Variants in PIAS2 observed in about 807,000 individuals in gnomAD.
PIAS2 encodes E3 SUMO-protein ligase PIAS2.
PIAS2 carries 19 observed loss-of-function variants against 69.7 expected under a neutral mutation model. The observed-to-expected ratio is 0.27, with a 90% confidence interval of 0.19 to 0.40. The LOEUF is 0.40. PIAS2 is among the 10% of genes least tolerant of loss of function. PIAS2 has a pLI of 1.00. For missense variants in PIAS2, 624 were observed against 757.0 expected, an observed-to-expected ratio of 0.82 and a Z score of 2.06; for synonymous variants, 261 against 263.2, an observed-to-expected ratio of 0.99 and a Z score of 0.08.
chr18:46,919,900 T>C (rs532281474), upstream of PIAS2, among the ~76,000 whole-genome samples: 20 of 152,336 alleles, frequency 1.3e-4, no homozygotes, highest in South Asian at 2.9e-3. Flanking sequence ...TAACATTGTT[T>C]AGTAGGCTTT....
At position 46,805,570 on chromosome 18, in the gene PIAS2, T is replaced by C. The variant is rs1327942115; in HGVS notation, c.*6863A>G. On this transcript the variant is annotated 3_prime_UTR_variant, in exon 14 of 14. Coordinates refer to ENST00000585916, the MANE Select transcript of PIAS2 (RefSeq NM_004671.5). The stretch of plus-strand genomic sequence containing the variant: ...GGGAAGGACAGCAACCACTGTATCT[T>C]GAGATATGTAGAATGTGAACACAGC... 1 of 152,160 alleles carries C rather than the reference T, an allele frequency of 6.6e-6. No individual in the cohort carries two copies. The highest frequency in any genetic ancestry group is 1.5e-5 in the Non-Finnish European group (1 of 68,046). The allele number at this position is 152,160 out of a possible 1,614,324, so 9.4% of individuals were successfully genotyped here.
chr18:46,908,498 C>T (rs776130776), intron 1 of PIAS2, among the ~76,000 whole-genome samples: 1 of 151,060 alleles, frequency 6.6e-6, no homozygotes, highest in South Asian at 2.1e-4. Context: ...ACACTGTATA[C>T]AAAATCAACT....
Position 46,890,776 on chromosome 18 carries a change from G to A in PIAS2, c.303C>T (p.Ile101=). The A allele has an allele frequency of 6.2e-7, 1 of 1,614,160 alleles. No individual in the cohort carries two copies. Among genetic ancestry groups the A allele is most frequent in the Non-Finnish European group, 8.5e-7 (1 of 1,180,032 alleles). The change falls in exon 2 of 14, where the codon ATC becomes ATT. Residue 101 remains isoleucine (I), a synonymous_variant. Transcript: ENST00000585916. ...PVEPDLAVAG[I]HSLPSTSVTP... is the part of the protein sequence containing the mutation. ...TAACTGAAGTGGAAGGCAACGAGTG[G>A]ATTCCAGCCACGGCCAAGTCAGGTT...
intron 5 of PIAS2, among the ~76,000 whole-genome samples, chr18:46,851,335 C>A (rs529490524): frequency 2.0e-4 from 30 of 152,136 alleles, no homozygotes; most frequent in Non-Finnish European, 4.1e-4. Context: ...TCTTGTCAAC[C>A]CTTCTTCCTT....
intron 1 of PIAS2, chr18:46,906,007 T>C (rs1393610536): frequency 6.6e-6 from 1 of 152,154 alleles, no homozygotes; most frequent in East Asian, 1.9e-4. Flanking sequence ...AGGGTTGAAT[T>C]TATACTTGCA....
chr18:46,875,231 G>A (rs1004203389), intron 2 of PIAS2, among the ~76,000 whole-genome samples: 13 of 152,154 alleles, frequency 8.5e-5, no homozygotes, highest in Non-Finnish European at 2.9e-5. Context: ...AGTCAACAAA[G>A]TATAAGCATG....
chr18:46,815,394 G>T lies in PIAS2; in HGVS notation c.1649-45C>A. The T allele has an allele frequency of 1.9e-6, 3 of 1,606,426 alleles. No homozygotes were observed. The South Asian group carries it at 3.3e-5, about 18-fold the overall frequency. The stretch of plus-strand genomic sequence containing the variant: ...TTAATAGTTGTCTCATATTTTGGGA[G>T]ACCAGAATTATTTCCCTAAATCATC... On this transcript the variant is annotated intron_variant, in intron 12 of 13. Coordinates refer to ENST00000585916, the MANE Select transcript of PIAS2 (RefSeq NM_004671.5).
At position 46,827,761 on chromosome 18, in the gene PIAS2, C is replaced by A. The variant is rs978154276; in HGVS notation, c.1508+198G>T. 19 of 486,496 alleles carry A rather than the reference C, an allele frequency of 3.9e-5. 1 individual carries two copies. The highest frequency in any genetic ancestry group is 6.2e-5 in the Non-Finnish European group (17 of 272,998). The allele number at this position is 486,496 out of a possible 1,614,324, so 30.1% of individuals were successfully genotyped here. A position where few individuals can be genotyped will look rare whatever the true frequency, so the allele number is the denominator to read the frequency against. On this transcript the variant is annotated intron_variant, in intron 11 of 13. Coordinates refer to ENST00000585916, the MANE Select transcript of PIAS2 (RefSeq NM_004671.5). ...AATAAATACCTCACACGCTCACTTT[C>A]CAAAGATGTAAATATTTTCTCCATC...
intron 1 of PIAS2, among the ~76,000 whole-genome samples, chr18:46,899,308 A>G (rs2055411171): frequency 6.6e-6 from 1 of 152,212 alleles, no homozygotes; most frequent in Admixed American, 6.5e-5. Flanking sequence ...TGAATAAGTA[A>G]CTGAAGCAGG....
At position 46,808,197 on chromosome 18, in the gene PIAS2, G is replaced by A. The variant is rs1421421324; in HGVS notation, c.*4236C>T. The A allele has an allele frequency of 6.6e-6, 1 of 152,198 alleles. No individual in the cohort carries two copies. Among genetic ancestry groups the A allele is most frequent in the Non-Finnish European group, 1.5e-5 (1 of 68,018 alleles). The allele number at this position is 152,198 out of a possible 1,614,324, so 9.4% of individuals were successfully genotyped here. On this transcript the variant is annotated 3_prime_UTR_variant, in exon 14 of 14. Coordinates refer to ENST00000585916, the MANE Select transcript of PIAS2 (RefSeq NM_004671.5). ...AGATATAAATTACACTGAGAATGAT[G>A]AAACTAAGTAAAAATATGCAGAAGT...
rs1599784607 is a variant in PIAS2, at chr18:46,855,599, C to T, written c.601G>A (p.Gly201Ser). ...ICISRDFLPG[G>S]RRDYTVQVQL... is the part of the protein sequence containing the mutation. ...ACTTGGACTGTATAATCTCTCCTAC[C>T]ACCTGGCAAAAAATCCCTGTTGGAA... is the stretch of plus-strand genomic sequence containing the variant. Residue 201 changes from glycine (G) to serine (S), a missense_variant, in exon 4 of 14, where the codon GGT becomes AGT. Physicochemically the swap from Gly to Ser is moderately conservative, Grantham distance 56. Coordinates refer to ENST00000585916, the MANE Select transcript of PIAS2 (RefSeq NM_004671.5). 1 of 1,613,398 alleles carries T rather than the reference C, an allele frequency of 6.2e-7. No homozygotes were observed. The highest frequency in any genetic ancestry group is 2.2e-5 in the East Asian group (1 of 44,826).
chr18:46,828,870 A>G (rs2043184491), intron 10 of PIAS2, among the ~76,000 whole-genome samples: 1 of 152,226 alleles, frequency 6.6e-6, no homozygotes, highest in Non-Finnish European at 1.5e-5. Flanking sequence ...TGGAAAAGCA[A>G]CAGAAACTTA....
chr18:46,804,891 A>C lies in PIAS2; in HGVS notation c.*7542T>G, dbSNP rs2040616566. On this transcript the variant is annotated 3_prime_UTR_variant, in exon 14 of 14. Transcript: ENST00000585916. ...ACTGAGACCATTTGTAAGCCAAGAAAAGCAGCAGTAGAGAGGTGAGAGACA... is the reference window on the plus strand; with the variant it reads ...ACTGAGACCATTTGTAAGCCAAGAACAGCAGCAGTAGAGAGGTGAGAGACA... 1 of 152,250 alleles carries C rather than the reference A, an allele frequency of 6.6e-6. No individual in the cohort carries two copies. The highest frequency in any genetic ancestry group is 2.4e-5 in the African/African-American group (1 of 41,460). The allele number at this position is 152,250 out of a possible 1,614,324, so 9.4% of individuals were successfully genotyped here. A position where few individuals can be genotyped will look rare whatever the true frequency, so the allele number is the denominator to read the frequency against.
chr18:46,861,077 C>G (rs2048587838), intron 3 of PIAS2, among the ~76,000 whole-genome samples: 1 of 152,088 alleles, frequency 6.6e-6, no homozygotes, highest in Non-Finnish European at 1.5e-5. Context: ...GTCAAGAGTT[C>G]AAGACCAGCC....
chr18:46,904,629 T>C (rs1190275609), intron 1 of PIAS2, among the ~76,000 whole-genome samples: 3 of 152,026 alleles, frequency 2.0e-5, no homozygotes, highest in South Asian at 2.1e-4. Context: ...CAGGCACCTG[T>C]AGTCCCAGCT....
At chr18:46,916,971 G>C in intron 1 of PIAS2, 2 of 985,888 alleles carry the variant, frequency 2.0e-6, no homozygotes, top group Non-Finnish European at 2.4e-6. Flanking sequence ...GAAGGTGCAA[G>C]ATCAAACGTT....
intron 10 of PIAS2, among the ~76,000 whole-genome samples, chr18:46,828,578 T>C (rs144073749): frequency 2.6e-3 from 397 of 152,324 alleles, no homozygotes; most frequent in Non-Finnish European, 3.8e-3. Context: ...GAACCAGATA[T>C]TTCCATTCTA....
intron 5 of PIAS2, among the ~76,000 whole-genome samples, chr18:46,851,701 G>A (rs2046994788): frequency 6.6e-6 from 1 of 152,214 alleles, no homozygotes; most frequent in African/African-American, 2.4e-5. Flanking sequence ...AAGCACATAT[G>A]CTGCTTGCAT....
At chr18:46,920,076 G>A, upstream of PIAS2, 1 of 1,289,770 alleles carries the variant, frequency 7.8e-7, no homozygotes, top group Non-Finnish European at 1.0e-6. Flanking sequence ...GTTCTTTGTA[G>A]TTGCTTCCCA....
Sources: allele counts gnomAD v4.1 joint callset (sites outside exome capture counted in the v4.1 genomes callset), GRCh38; gene constraint gnomAD v4.1.1; transcripts MANE v1.5; gene names NCBI Gene and HGNC (gene_info 2026-07-23, HGNC 2026-07-21).